Variants in CYTH3 observed in about 807,000 individuals in gnomAD.
CYTH3 encodes the protein cytohesin-3.
A neutral mutation model predicts 55.1 loss-of-function variants in CYTH3; 23 were observed. The ratio of observed to expected loss-of-function variants is 0.42; its 90% CI spans 0.30 to 0.59. CYTH3 has a LOEUF of 0.59. Among genes scored for constraint, CYTH3 ranks in the 20% least tolerant of loss-of-function variants. The pLI, the probability that CYTH3 is intolerant of heterozygous loss-of-function variation, is 0.20. For missense variants in CYTH3, 413 were observed against 524.8 expected (o/e 0.79, Z 2.08); for synonymous variants, 249 against 194.9 (o/e 1.28, Z -2.31).
At chr7:6,251,242 T>G (rs188978894) in intron 1 of CYTH3, among the ~76,000 whole-genome samples, 4 of 151,876 alleles carry the variant, frequency 2.6e-5, no homozygotes, top group Non-Finnish European at 4.4e-5. Context: ...GCCATTGCAC[T>G]CCAGCCTGGG....
At chr7:6,255,338 T>C (rs1415104708) in intron 1 of CYTH3, among the ~76,000 whole-genome samples, 1 of 152,208 alleles carries the variant, frequency 6.6e-6, no homozygotes, top group African/African-American at 2.4e-5. Context: ...GATGACAATA[T>C]TCTGCCTTGA....
chr7:6,172,705 G>A lies in CYTH3; in HGVS notation c.449+948C>T, dbSNP rs190858566. 6.2e-5 allele frequency: 69 copies of A among 1,117,530 alleles called. No individual in the cohort carries two copies. In the East Asian group the frequency reaches 2.0e-3, roughly 33 times the overall value. The allele number at this position is 1,117,530 out of a possible 1,614,324, so 69.2% of individuals were successfully genotyped here. A position where few individuals can be genotyped will look rare whatever the true frequency, so the allele number is the denominator to read the frequency against. On this transcript the variant is annotated intron_variant, in intron 6 of 12. Transcript: ENST00000350796. ...AAATGGAGTCACAGCTGCAAGGGCCGCACCAGACACCCCTCCCAGACTCAC... is the reference window on the plus strand; with the variant it reads ...AAATGGAGTCACAGCTGCAAGGGCCACACCAGACACCCCTCCCAGACTCAC...
At chr7:6,219,023 A>C (rs1784488012) in intron 1 of CYTH3, among the ~76,000 whole-genome samples, 2 of 151,218 alleles carry the variant, frequency 1.3e-5, no homozygotes, top group Non-Finnish European at 3.0e-5. Context: ...AAAAAAAAAA[A>C]AAAACTGCCA....
Position 6,171,317 on chromosome 7 carries a change from G to A in CYTH3, c.450-3C>T. 1 of 1,613,870 alleles carries A rather than the reference G, an allele frequency of 6.2e-7. No homozygotes were observed. The highest frequency in any genetic ancestry group is 8.5e-7 in the Non-Finnish European group (1 of 1,179,796). On this transcript the variant is annotated splice_polypyrimidine_tract_variant and splice_region_variant and intron_variant, in intron 6 of 12. Transcript: ENST00000350796. The surrounding 1 kb of genome is among the most constrained non-coding windows in gnomAD (Gnocchi z 6.7). The stretch of plus-strand genomic sequence containing the variant: ...GCCTGAAGCTCCATAAGAACTGCCT[G>A]TGGAGACACCAAAGCCATGGGAAGC...
At chr7:6,238,242 T>C (rs981794735) in intron 1 of CYTH3, among the ~76,000 whole-genome samples, 3 of 152,206 alleles carry the variant, frequency 2.0e-5, no homozygotes, top group Non-Finnish European at 2.9e-5. Flanking sequence ...TTTTTAATTG[T>C]GAATCTTAGT....
chr7:6,173,643 T>C lies in CYTH3; in HGVS notation c.449+10A>G. The C allele has an allele frequency of 1.3e-6, 2 of 1,591,068 alleles. No homozygotes were observed. The highest frequency in any genetic ancestry group is 2.2e-5 in the East Asian group (1 of 44,748). ...CATCCACTCTACACCCAGCAAATGATCATACTTACCTTAAGGCTTGTACAA... is the reference window on the plus strand; with the variant it reads ...CATCCACTCTACACCCAGCAAATGACCATACTTACCTTAAGGCTTGTACAA... On this transcript the variant is annotated intron_variant, in intron 6 of 12. Coordinates refer to ENST00000350796, the MANE Select transcript of CYTH3 (RefSeq NM_004227.4).
chr7:6,184,879 C>T (rs1355359167), intron 4 of CYTH3, among the ~76,000 whole-genome samples: 5 of 152,130 alleles, frequency 3.3e-5, no homozygotes, highest in Non-Finnish European at 7.4e-5. Context: ...CACCAGGACT[C>T]AGTAGCATCC....
chr7:6,210,953 G>A (rs992960366), intron 1 of CYTH3, among the ~76,000 whole-genome samples: 3 of 152,198 alleles, frequency 2.0e-5, no homozygotes, highest in African/African-American at 7.2e-5. Flanking sequence ...ACAAAATGGA[G>A]AAATCGATAT....
Position 6,171,154 on chromosome 7 carries a change from C to G in CYTH3, c.562+48G>C, listed in dbSNP as rs767654529. On this transcript the variant is annotated intron_variant, in intron 7 of 12. Transcript: ENST00000350796. This position sits in a 1 kb window ranked among gnomAD's most constrained non-coding sequence, Gnocchi z 6.7. ...CCCACAGGGGCCGCCCCCTCCAGAG[C>G]TGGAGGCTGTGCCTGGCAAGGGGCC... 2.5e-6 allele frequency: 4 copies of G among 1,607,750 alleles called. No homozygotes were observed. Among genetic ancestry groups the G allele is most frequent in the African/African-American group, 1.3e-5 (1 of 74,884 alleles).
Position 6,165,633 on chromosome 7 carries a change from C to T in CYTH3, c.901-17G>A, listed in dbSNP as rs1293850426. On this transcript the variant is annotated splice_polypyrimidine_tract_variant and intron_variant, in intron 10 of 12. Transcript: ENST00000350796. ...CTCCTTATCCTACAAGAGGAAAGTA[C>T]ACGGCGGGGCTCACTGTGGGTCACC... 6 of 1,613,128 alleles carry T rather than the reference C, an allele frequency of 3.7e-6. No homozygotes were observed. Among genetic ancestry groups the T allele is most frequent in the Non-Finnish European group, 5.1e-6 (6 of 1,179,412 alleles).
At position 6,171,378 on chromosome 7, in the gene CYTH3, G is replaced by C; in HGVS notation, c.450-64C>G. 2 of 1,512,008 alleles carry C rather than the reference G, an allele frequency of 1.3e-6. No homozygotes were observed. Among genetic ancestry groups the C allele is most frequent in the Non-Finnish European group, 1.8e-6 (2 of 1,090,724 alleles). 93.7% of individuals were successfully genotyped at this position (1,512,008 alleles called of 1,614,324 possible). On this transcript the variant is annotated intron_variant, in intron 6 of 12. Coordinates refer to ENST00000350796, the MANE Select transcript of CYTH3 (RefSeq NM_004227.4). The surrounding 1 kb of genome is among the most constrained non-coding windows in gnomAD (Gnocchi z 6.7). ...CCAACACCGCCTCACGGCCAAGGGC[G>C]GCTTCTGCCCAGCTCAGGAAGGACG... is the stretch of plus-strand genomic sequence containing the variant.
rs1036751677 is a variant in CYTH3 at position 6,163,845 on chromosome 7, C to T, written c.*1099G>A. 2 of 152,166 alleles carry T rather than the reference C, an allele frequency of 1.3e-5. No individual in the cohort carries two copies. The highest frequency in any genetic ancestry group is 1.3e-4 in the Admixed American group (2 of 15,276). 9.4% of individuals were successfully genotyped at this position (152,166 alleles called of 1,614,324 possible). A position where few individuals can be genotyped will look rare whatever the true frequency, so the allele number is the denominator to read the frequency against. ...CAAATTAGAAAGTCTGTAAAATAAG[C>T]GTTCATTTTGCCACAGGTTTTAAAT... On this transcript the variant is annotated 3_prime_UTR_variant, in exon 13 of 13. Coordinates refer to ENST00000350796, the MANE Select transcript of CYTH3 (RefSeq NM_004227.4).
rs1362164134 is a variant in CYTH3, at chr7:6,190,435, T to TC, written c.117+13_117+14insG. On this transcript the variant is annotated intron_variant, in intron 2 of 12. Coordinates refer to ENST00000350796, the MANE Select transcript of CYTH3 (RefSeq NM_004227.4). ...CAGAGTTTTGGATTTTTGGTTTTTTTTTTTTTTTTTTACCTCAATGTCATC... is the reference window on the plus strand; with the variant it reads ...CAGAGTTTTGGATTTTTGGTTTTTTTCTTTTTTTTTTTACCTCAATGTCATC... The TC allele has an allele frequency of 7.4e-6, 11 of 1,482,972 alleles. No individual in the cohort carries two copies. In the African/African-American group the frequency reaches 1.4e-4, roughly 19 times the overall value. 91.9% of individuals were successfully genotyped at this position (1,482,972 alleles called of 1,614,324 possible). A position where few individuals can be genotyped will look rare whatever the true frequency, so the allele number is the denominator to read the frequency against.
rs1783979021 is a variant in CYTH3, at chr7:6,198,161, ATCAC to A, written c.35-7634_35-7631del. Among the ~76,000 whole-genome samples the A allele has an allele frequency of 2.0e-5, 3 of 152,294 alleles. No homozygotes were observed. In the South Asian group the frequency reaches 6.2e-4, roughly 32 times the overall value. ...AGTGGCTAGTAACATCTGTAGCAATATCACTCAGGATATTTGGGGAAAGCATTAC... is the reference window on the plus strand; with the variant it reads ...AGTGGCTAGTAACATCTGTAGCAATATCAGGATATTTGGGGAAAGCATTAC... On this transcript the variant is annotated intron_variant, in intron 1 of 12. Transcript: ENST00000350796.
At position 6,170,483 on chromosome 7, in the gene CYTH3, G is replaced by T; in HGVS notation, c.823+52C>A. ...GAGCCTGGGAGGAACCCGAGGGGCT[G>T]CTGCCATGGGCAGAGGGGTCACGCC... On this transcript the variant is annotated intron_variant, in intron 9 of 12. Coordinates refer to ENST00000350796, the MANE Select transcript of CYTH3 (RefSeq NM_004227.4). The surrounding 1 kb of genome is among the most constrained non-coding windows in gnomAD (Gnocchi z 7.8). The T allele has an allele frequency of 6.5e-7, 1 of 1,533,800 alleles. No homozygotes were observed. The highest frequency in any genetic ancestry group is 8.9e-7 in the Non-Finnish European group (1 of 1,118,692).
In CYTH3 at chr7:6,250,509, C is replaced by T. The variant is rs978766427; in HGVS notation, c.34+21965G>A. ...CCCACAGGAGAAGCACAGACACTGACACTGAATCGAGCTGCAACACGGATG... is the reference window on the plus strand; with the variant it reads ...CCCACAGGAGAAGCACAGACACTGATACTGAATCGAGCTGCAACACGGATG... On this transcript the variant is annotated intron_variant, in intron 1 of 12. Transcript: ENST00000350796. Among the ~76,000 whole-genome samples the T allele has an allele frequency of 3.3e-5, 5 of 152,294 alleles. No homozygotes were observed. The South Asian group carries it at 8.3e-4, about 25-fold the overall frequency.
intron 1 of CYTH3, among the ~76,000 whole-genome samples, chr7:6,239,848 T>C (rs1779627760): frequency 6.6e-6 from 1 of 152,150 alleles, no homozygotes; most frequent in Non-Finnish European, 1.5e-5. Context: ...ACTAACACAC[T>C]TGAATGGTAA....
intron 1 of CYTH3, among the ~76,000 whole-genome samples, chr7:6,259,776 ATATATATAATATATAT>A (rs1780262578): frequency 1.5e-4 from 3 of 19,842 alleles, no homozygotes; most frequent in South Asian, 1.8e-3. Flanking sequence ...TATATATTAT[ATATATATAATATATAT>A]ATATATATAT....
At chr7:6,217,259 T>A (rs1372716906) in intron 1 of CYTH3, among the ~76,000 whole-genome samples, 1 of 152,156 alleles carries the variant, frequency 6.6e-6, no homozygotes, top group African/African-American at 2.4e-5. Context: ...ATGTTAAATA[T>A]TAAAAGATTG....
Sources: gnomAD v4.1 joint callset for allele counts (sites outside exome capture counted in the v4.1 genomes callset) on GRCh38, gnomAD v4.1.1 for gene constraint, Gnocchi (gnomAD v3.1) non-coding constraint, MANE v1.5 for transcripts, NCBI Gene and HGNC (gene_info 2026-07-23, HGNC 2026-07-21) for gene names.